Variants in MYLK3 observed in about 807,000 individuals in gnomAD.
MYLK3 encodes the protein myosin light chain kinase 3.
A neutral mutation model predicts 76.3 loss-of-function variants in MYLK3; 55 were observed. The observed-to-expected ratio is 0.72, with a 90% CI of 0.58 to 0.90. The LOEUF is 0.90. MYLK3 is among the 40% of genes least tolerant of loss of function. The pLI is 0.00. For synonymous variants in MYLK3, 416 were observed against 425.4 expected (o/e 0.98, Z 0.27); for missense variants, 973 against 1,053.6 (o/e 0.92, Z 1.06).
Position 46,703,072 on chromosome 16 carries a change from C to T in MYLK3, c.*4632G>A, listed in dbSNP as rs1011054054. On this transcript the variant is annotated 3_prime_UTR_variant, in exon 13 of 13. Coordinates refer to ENST00000394809, the MANE Select transcript of MYLK3 (RefSeq NM_182493.3). ...ACTGTTAAGTTTCTTGCATATCCTA[C>T]GGTTTTTTAATGCACATATAAGCAT... Among the ~76,000 whole-genome samples the T allele has an allele frequency of 1.2e-4, 18 of 151,938 alleles. No individual in the cohort carries two copies. The East Asian group carries it at 1.5e-3, about 13-fold the overall frequency.
intron 1 of MYLK3, among the ~76,000 whole-genome samples, chr16:46,743,191 G>A (rs1030778300): frequency 6.6e-5 from 10 of 152,190 alleles, no homozygotes; most frequent in Non-Finnish European, 1.0e-4. Flanking sequence ...AGGGATCATC[G>A]AATTCACTGC....
At chr16:46,744,330 C>CTTTTTT (rs71158891) in intron 1 of MYLK3, among the ~76,000 whole-genome samples, 1 of 43,702 alleles carries the variant, frequency 2.3e-5, no homozygotes, top group Non-Finnish European at 3.7e-5. Context: ...CCACACCCAG[C>CTTTTTT]TTTTTTTTTT....
intron 1 of MYLK3, among the ~76,000 whole-genome samples, chr16:46,744,765 T>G (rs1300938341): frequency 6.6e-6 from 1 of 152,130 alleles, no homozygotes; most frequent in East Asian, 1.9e-4. Context: ...TTCGGGAGGC[T>G]GAGGCAGGAG....
At chr16:46,708,220 T>A (rs1283571185) in intron 12 of MYLK3, among the ~76,000 whole-genome samples, 1 of 152,124 alleles carries the variant, frequency 6.6e-6, no homozygotes, top group Non-Finnish European at 1.5e-5. Flanking sequence ...TACCCAGGTT[T>A]ATCCTGCCCT....
chr16:46,730,793 C>T, intron 4 of MYLK3, 95 bp from the exon 5 acceptor site: 1 of 1,042,788 alleles, frequency 9.6e-7, no homozygotes. Flanking sequence ...TCTTGGTCCA[C>T]CAGGCCCTAT....
chr16:46,740,276 A>ATCTACTCTCCAATGTTACTGTG, intron 1 of MYLK3, 129 bp from the exon 2 acceptor site: 1 of 678,600 alleles, frequency 1.5e-6, no homozygotes, highest in Non-Finnish European at 2.6e-6. Context: ...GTCTCACAGT[A>ATCTACTCTCCAATGTTACTGTG]ACATTGGAGA....
intron 9 of MYLK3, among the ~76,000 whole-genome samples, chr16:46,714,050 C>T (rs1372817767): frequency 1.3e-5 from 2 of 152,006 alleles, no homozygotes; most frequent in African/African-American, 2.4e-5. Context: ...AGAAAAAGTT[C>T]TGGACATGAA....
intron 2 of MYLK3, among the ~76,000 whole-genome samples, chr16:46,739,651 C>T (rs899023740): frequency 4.6e-5 from 7 of 152,086 alleles, no homozygotes; most frequent in African/African-American, 9.7e-5. Flanking sequence ...TTGTGATCAC[C>T]GTAATAACAT....
At chr16:46,755,895 C>A (rs371159365) in intron 1 of MYLK3, among the ~76,000 whole-genome samples, 2 of 134,242 alleles carry the variant, frequency 1.5e-5, no homozygotes, top group Non-Finnish European at 1.6e-5. Context: ...GTTCTTTTTT[C>A]TTTTTTCTTT....
chr16:46,759,901 G>T (rs547358675), intron 1 of MYLK3, among the ~76,000 whole-genome samples: 12 of 152,292 alleles, frequency 7.9e-5, no homozygotes, highest in South Asian at 2.1e-4. Context: ...CCAAAGTGCG[G>T]GATTACAGGC....
intron 8 of MYLK3, chr16:46,726,219 G>C: frequency 6.6e-6 from 1 of 152,192 alleles, no homozygotes; most frequent in East Asian, 1.9e-4. Flanking sequence ...ACCACTCAGC[G>C]CCTATTATTA....
At chr16:46,729,307 G>A (rs956492849) in intron 6 of MYLK3, among the ~76,000 whole-genome samples, 174 bp from the exon 7 acceptor site, 30 of 152,140 alleles carry the variant, frequency 2.0e-4, no homozygotes, top group African/African-American at 7.0e-4. Flanking sequence ...GGGCCTGAGT[G>A]TGACCCACTC....
chr16:46,762,578 G>T (rs933568958), intron 1 of MYLK3, among the ~76,000 whole-genome samples: 11 of 152,182 alleles, frequency 7.2e-5, no homozygotes, highest in Admixed American at 3.3e-4. Flanking sequence ...TTTAGCAGCC[G>T]CAGGAAGACT....
At chr16:46,710,037 G>T (rs1199022542) in intron 11 of MYLK3, among the ~76,000 whole-genome samples, 2 of 152,208 alleles carry the variant, frequency 1.3e-5, no homozygotes, top group Non-Finnish European at 1.5e-5. Flanking sequence ...TCTCCTTCCA[G>T]AGTATAAAGC....
chr16:46,719,709 G>A (rs763956552), intron 9 of MYLK3, among the ~76,000 whole-genome samples: 4 of 152,162 alleles, frequency 2.6e-5, no homozygotes, highest in East Asian at 1.9e-4. Flanking sequence ...TGGGCTATGC[G>A]ATGCATCTGT....
chr16:46,709,443 G>GAAA (rs11420228), intron 12 of MYLK3, 96 bp downstream of exon 12: 944 of 1,155,620 alleles, frequency 8.2e-4, no homozygotes, highest in Non-Finnish European at 9.8e-4. Context: ...CCAAAAAGAA[G>GAAA]AAAAAAAAAA....
At chr16:46,732,711 C>G in intron 3 of MYLK3, 43 bp from the exon 4 acceptor site, 7 of 1,418,708 alleles carry the variant, frequency 4.9e-6, no homozygotes, top group Non-Finnish European at 6.5e-6. Flanking sequence ...GAGGCAAGGA[C>G]TCTGGAGTCA....
Position 46,729,681 on chromosome 16 carries a change from C to A in MYLK3, c.1575G>T (p.Arg525=), listed in dbSNP as rs769926748. ...CTGTGCACCTGTGGACCTGGCCAAA[C>A]CGACCCCTGCAGAGACATAGCCACA... The part of the protein sequence containing the change: ...VCQHEVLGGG[R]FGQVHRCTEK... Residue 525 remains arginine (R), a synonymous_variant, in exon 6 of 13, where the codon CGG becomes CGT. Coordinates refer to ENST00000394809, the MANE Select transcript of MYLK3 (RefSeq NM_182493.3). 6.2e-7 allele frequency: 1 copy of A among 1,613,598 alleles called. No homozygotes were observed. The highest frequency in any genetic ancestry group is 1.1e-5 in the South Asian group (1 of 91,074).
rs1020567144 is a variant in MYLK3, at chr16:46,709,727, A to C, written c.2268-56T>G. The C allele has an allele frequency of 1.1e-5, 17 of 1,589,964 alleles. No individual in the cohort carries two copies. The African/African-American group carries it at 1.4e-4, about 13-fold the overall frequency. ...AGTTGGAGTTGCCTTTTCTCATCCA[A>C]AAATCTGTTCACTTGAGTAGGAAGC... is the stretch of plus-strand genomic sequence containing the variant. On this transcript the variant is annotated intron_variant, in intron 11 of 12. Coordinates refer to ENST00000394809, the MANE Select transcript of MYLK3 (RefSeq NM_182493.3).
Sources: allele counts gnomAD v4.1 joint callset (sites outside exome capture counted in the v4.1 genomes callset), GRCh38; gene constraint gnomAD v4.1.1; transcripts MANE v1.5; gene names NCBI Gene and HGNC (gene_info 2026-07-23, HGNC 2026-07-21).